Variants in LARP4 observed in about 807,000 individuals in gnomAD.
The protein encoded by LARP4 is la-related protein 4.
LARP4 carries 29 observed loss-of-function variants against 92.9 expected under a neutral mutation model. The ratio of observed to expected loss-of-function variants is 0.31; its 90% CI spans 0.23 to 0.43. The LOEUF (loss-of-function observed/expected upper bound fraction) is 0.43. Ranked by LOEUF, LARP4 falls within the 20% of genes least tolerant of loss-of-function variation. The probability of loss-of-function intolerance (pLI) is 1.00; values close to 1 mark genes in which losing one functional copy is unlikely to be tolerated. For synonymous variants in LARP4, 279 were observed against 284.1 expected (o/e 0.98, Z 0.18); for missense variants, 732 against 860.0 (o/e 0.85, Z 1.86).
At chr12:50,461,380 A>G (rs1233097053) in intron 11 of LARP4, 33 bp downstream of exon 11, 5 of 1,560,628 alleles carry the variant, frequency 3.2e-6, no homozygotes, top group South Asian at 2.2e-5. Flanking sequence ...AACCTTTGAT[A>G]ATAATGTGAT....
In LARP4 at chr12:50,465,415, A is replaced by G. The variant is rs1008426281; in HGVS notation, c.1384-1544A>G. Among the ~76,000 whole-genome samples, 4 of 151,546 alleles carry G rather than the reference A, an allele frequency of 2.6e-5. No individual in the cohort carries two copies. The South Asian group carries it at 8.3e-4, about 32-fold the overall frequency. On this transcript the variant is annotated intron_variant, in intron 12 of 15. Transcript: ENST00000398473. ...GAGAGATTAGATTTGGGGTTTATTCAATATGTTGTAAATGTCATGATGGAG... is the reference window on the plus strand; with the variant it reads ...GAGAGATTAGATTTGGGGTTTATTCGATATGTTGTAAATGTCATGATGGAG...
chr12:50,462,789 C>T (rs1330290757), intron 12 of LARP4, among the ~76,000 whole-genome samples, 159 bp downstream of exon 12: 2 of 152,088 alleles, frequency 1.3e-5, no homozygotes, highest in Non-Finnish European at 2.9e-5. Context: ...TTACCACCAC[C>T]ACCCATATAC....
rs78454232 is a variant in LARP4, at chr12:50,441,775, G to T, written c.804+132G>T. 825 of 714,534 alleles carry T rather than the reference G, an allele frequency of 1.2e-3. 8 individuals are homozygous for T. In the East Asian group the frequency reaches 0.019, roughly 17 times the overall value. The allele number at this position is 714,534 out of a possible 1,614,324, so 44.3% of individuals were successfully genotyped here. A position where few individuals can be genotyped will look rare whatever the true frequency, so the allele number is the denominator to read the frequency against. ...AAAAAGTTTCTGGCTTGGTCCAGGC[G>T]TGGTGGCTCACACCTGTGATCCCAG... On this transcript the variant is annotated intron_variant, in intron 8 of 15. Coordinates refer to ENST00000398473, the MANE Select transcript of LARP4 (RefSeq NM_052879.5).
chr12:50,456,382 C>T (rs1264106628), intron 10 of LARP4, among the ~76,000 whole-genome samples: 1 of 64,120 alleles, frequency 1.6e-5, no homozygotes, highest in Non-Finnish European at 1.1e-4. Flanking sequence ...TTAGTGAATA[C>T]TTTTTCTAAA....
Position 50,479,479 on chromosome 12 carries a change from A to G in LARP4, c.*3615A>G, listed in dbSNP as rs1957747957. On this transcript the variant is annotated 3_prime_UTR_variant, in exon 16 of 16. Transcript: ENST00000398473. Reference sequence around the variant, plus strand: ...TCTGAGCTTCCGAAAAGATACATATATGTTTCCCTTTTCATTAGCTGAATG... The same window carrying G: ...TCTGAGCTTCCGAAAAGATACATATGTGTTTCCCTTTTCATTAGCTGAATG... The G allele has an allele frequency of 6.6e-6, 1 of 152,134 alleles. No individual in the cohort carries two copies. Among genetic ancestry groups the G allele is most frequent in the South Asian group, 2.1e-4 (1 of 4,828 alleles). 9.4% of individuals were successfully genotyped at this position (152,134 alleles called of 1,614,324 possible). A position where few individuals can be genotyped will look rare whatever the true frequency, so the allele number is the denominator to read the frequency against.
rs1955202295 is a variant in LARP4 at position 50,460,624 on chromosome 12, CACA to C, written c.1122-507_1122-505del. ...CAGGCGTGAGCCACTGTGTCCAGCC[CACA>C]ACATTTTTTAATGTAAAATTTACTT... is the stretch of plus-strand genomic sequence containing the variant. On this transcript the variant is annotated intron_variant, in intron 10 of 15. Transcript: ENST00000398473. 2.0e-5 allele frequency among the ~76,000 whole-genome samples: 3 copies of C among 152,080 alleles called. No individual in the cohort carries two copies. The South Asian group carries it at 6.2e-4, about 32-fold the overall frequency.
chr12:50,413,192 C>G (rs1215600688), intron 1 of LARP4, among the ~76,000 whole-genome samples: 3 of 149,746 alleles, frequency 2.0e-5, no homozygotes, highest in Non-Finnish European at 3.0e-5. Flanking sequence ...CACTGCACTC[C>G]AGCCTGGGCG....
At chr12:50,427,024 C>G (rs1202550288) in intron 1 of LARP4, among the ~76,000 whole-genome samples, 1 of 152,076 alleles carries the variant, frequency 6.6e-6, no homozygotes, top group Non-Finnish European at 1.5e-5. Context: ...AGGAATGAAC[C>G]ATCGTGCCCT....
At chr12:50,441,243 A>AT (rs1296523022) in intron 7 of LARP4, 1 of 178,180 alleles carries the variant, frequency 5.6e-6, no homozygotes, top group Non-Finnish European at 1.2e-5. Flanking sequence ...AAACACAAAT[A>AT]TATCTATGAT....
At chr12:50,407,170 C>G (rs936844407) in intron 1 of LARP4, among the ~76,000 whole-genome samples, 1 of 152,064 alleles carries the variant, frequency 6.6e-6, no homozygotes, top group African/African-American at 2.4e-5. Flanking sequence ...GGACTACAGG[C>G]GCGTACCACC....
At chr12:50,423,737 G>A (rs144490773) in intron 1 of LARP4, among the ~76,000 whole-genome samples, 1,977 of 149,644 alleles carry the variant, frequency 0.013, 48 homozygotes, top group African/African-American at 0.044. Context: ...GTGAGCCATC[G>A]TCCCCGGCCT....
At chr12:50,452,221 T>G (rs1431233840) in intron 8 of LARP4, among the ~76,000 whole-genome samples, 1 of 152,152 alleles carries the variant, frequency 6.6e-6, no homozygotes, top group African/African-American at 2.4e-5. Flanking sequence ...ACTTCTATTT[T>G]TAACTTTTTT....
intron 3 of LARP4, 70 bp from the exon 4 acceptor site, chr12:50,430,425 C>A: frequency 2.6e-6 from 2 of 778,672 alleles, no homozygotes; most frequent in Non-Finnish European, 2.2e-6. Context: ...CTGAGTACAA[C>A]AGTATGTCAG....
intron 1 of LARP4, among the ~76,000 whole-genome samples, chr12:50,419,765 C>T (rs966655227): frequency 2.0e-5 from 3 of 152,006 alleles, no homozygotes; most frequent in Non-Finnish European, 2.9e-5. Context: ...AACCTATCCA[C>T]GTGGTGGCTC....
At chr12:50,464,659 C>G (rs888329790) in intron 12 of LARP4, among the ~76,000 whole-genome samples, 1 of 151,766 alleles carries the variant, frequency 6.6e-6, no homozygotes, top group Non-Finnish European at 1.5e-5. Flanking sequence ...TCCCAGAGTG[C>G]TGGGATTACA....
chr12:50,461,406 A>G, intron 11 of LARP4, 59 bp downstream of exon 11: 3 of 1,427,176 alleles, frequency 2.1e-6, no homozygotes, highest in Non-Finnish European at 2.9e-6. Context: ...TGAATAATTG[A>G]AGAACATGAT....
chr12:50,440,101 C>T (rs1950987083), intron 6 of LARP4, among the ~76,000 whole-genome samples: 1 of 152,208 alleles, frequency 6.6e-6, no homozygotes, highest in Non-Finnish European at 1.5e-5. Context: ...AATACTTACG[C>T]TTTGCTTATT....
chr12:50,468,578 T>A (rs1304193737), intron 13 of LARP4, among the ~76,000 whole-genome samples: 1 of 152,176 alleles, frequency 6.6e-6, no homozygotes, highest in Non-Finnish European at 1.5e-5. Flanking sequence ...ATTACAGGCA[T>A]GAGCCACCGC....
intron 5 of LARP4, among the ~76,000 whole-genome samples, chr12:50,437,509 C>T (rs1330000763): frequency 1.3e-5 from 2 of 152,148 alleles, no homozygotes; most frequent in Admixed American, 1.3e-4. Context: ...GTTAAGTACT[C>T]TGAATGTTTT....
Sources: gnomAD v4.1 joint callset for allele counts (sites outside exome capture counted in the v4.1 genomes callset) on GRCh38, gnomAD v4.1.1 for gene constraint, MANE v1.5 for transcripts, NCBI Gene and HGNC (gene_info 2026-07-23, HGNC 2026-07-21) for gene names.